GABRG3: variants seen among roughly 807,000 people sequenced by gnomAD.
The protein encoded by GABRG3 is gamma-aminobutyric acid receptor subunit gamma-3.
Under a neutral mutation model 48.8 loss-of-function variants are expected in GABRG3, and 25 were observed. The ratio of observed to expected loss-of-function variants is 0.51; its 90% CI spans 0.37 to 0.72. The LOEUF (loss-of-function observed/expected upper bound fraction) is 0.72, where lower values mean the gene tolerates loss of function less well. GABRG3 is among the 30% of genes least tolerant of loss of function. The pLI, the probability that GABRG3 is intolerant of heterozygous loss-of-function variation, is 0.00. For missense variants in GABRG3, 394 were observed against 577.9 expected, an observed-to-expected ratio of 0.68 and a Z score of 3.26; for synonymous variants, 227 against 217.6, an observed-to-expected ratio of 1.04 and a Z score of -0.38.
At chr15:27,207,205 A>C (rs954479650) in intron 3 of GABRG3, among the ~76,000 whole-genome samples, 1 of 152,202 alleles carries the variant, frequency 6.6e-6, no homozygotes, top group African/African-American at 2.4e-5. Flanking sequence ...ACTTAGCACG[A>C]GTGCCTTGGG....
chr15:27,433,030 A>G (rs1888502713), intron 5 of GABRG3, among the ~76,000 whole-genome samples: 1 of 152,208 alleles, frequency 6.6e-6, no homozygotes, highest in South Asian at 2.1e-4. Context: ...ACGATGATTT[A>G]TGTATACTCC....
chr15:27,468,392 C>T (rs188808239), intron 5 of GABRG3, among the ~76,000 whole-genome samples: 1 of 152,192 alleles, frequency 6.6e-6, no homozygotes, highest in East Asian at 1.9e-4. Flanking sequence ...TATGGGTGTT[C>T]CTGGAACTGT....
chr15:27,461,386 G>T (rs1301610480), intron 5 of GABRG3, among the ~76,000 whole-genome samples: 1 of 152,168 alleles, frequency 6.6e-6, no homozygotes, highest in Non-Finnish European at 1.5e-5. Context: ...ATTGTGTCCA[G>T]AATTGGTTCC....
chr15:27,326,833 G>T lies in GABRG3; in HGVS notation c.295G>T (p.Ala99Ser). The change falls in exon 4 of 10, where the codon GCT becomes TCT. Residue 99 changes from alanine to serine, a missense_variant. By Grantham distance (99) the Ala-to-Ser change is moderately conservative (BLOSUM62 1). Around this residue, in one of 3 missense-constraint regions of GABRG3, gnomAD observed 218 missense variants for 309.9 expected, o/e 0.70. Coordinates refer to ENST00000615808, the MANE Select transcript of GABRG3 (RefSeq NM_033223.5). ...NMEYQIDIFF[A>S]QTWTDSRLRF... The stretch of plus-strand genomic sequence containing the variant: ...GGAATACCAAATTGACATATTTTTT[G>T]CTCAGACCTGGACAGATAGTCGCCT... 1.2e-6 allele frequency: 2 copies of T among 1,613,338 alleles called. No homozygotes were observed. Among genetic ancestry groups the T allele is most frequent in the Non-Finnish European group, 8.5e-7 (1 of 1,179,642 alleles).
At chr15:27,430,221 A>C (rs1888408136) in intron 5 of GABRG3, among the ~76,000 whole-genome samples, 2 of 152,206 alleles carry the variant, frequency 1.3e-5, no homozygotes, top group African/African-American at 4.8e-5. Flanking sequence ...TGTCTACTCA[A>C]ATCCTCTGCC....
intron 3 of GABRG3, among the ~76,000 whole-genome samples, chr15:27,226,743 C>G (rs1169293437): frequency 6.6e-6 from 1 of 152,214 alleles, no homozygotes; most frequent in African/African-American, 2.4e-5. Context: ...CAGCAGATCC[C>G]CCTCTGGCCC....
At chr15:27,497,467 C>T (rs1890514195) in intron 6 of GABRG3, among the ~76,000 whole-genome samples, 1 of 152,102 alleles carries the variant, frequency 6.6e-6, no homozygotes, top group African/African-American at 2.4e-5. Flanking sequence ...TGTCTTCAGA[C>T]CTTGATTATC....
At chr15:27,122,053 A>T (rs755747508) in intron 3 of GABRG3, among the ~76,000 whole-genome samples, 6 of 152,226 alleles carry the variant, frequency 3.9e-5, no homozygotes, top group Non-Finnish European at 8.8e-5. Flanking sequence ...ATAGCACAAG[A>T]GGGTAACTTT....
intron 7 of GABRG3, among the ~76,000 whole-genome samples, chr15:27,520,864 T>C (rs1595808462): frequency 7.8e-6 from 1 of 128,402 alleles, no homozygotes; most frequent in Non-Finnish European, 1.6e-5. Flanking sequence ...CTCTCATATT[T>C]GCATTGTTAT....
At chr15:27,345,631 A>G (rs1382784429) in intron 5 of GABRG3, among the ~76,000 whole-genome samples, 1 of 152,230 alleles carries the variant, frequency 6.6e-6, no homozygotes, top group Non-Finnish European at 1.5e-5. Context: ...TACTTTCTCT[A>G]GTACTCCTTT....
chr15:27,248,785 CACACACACACACACACACAG>C (rs1265348342), intron 3 of GABRG3, among the ~76,000 whole-genome samples: 9 of 111,884 alleles, frequency 8.0e-5, no homozygotes, highest in African/African-American at 2.8e-4. Context: ...CACACACACA[CACACACACACACACACACAG>C]AGAGAGAGAG....
intron 3 of GABRG3, among the ~76,000 whole-genome samples, chr15:27,142,141 C>T (rs1898115066): frequency 6.6e-6 from 1 of 152,180 alleles, no homozygotes; most frequent in African/African-American, 2.4e-5. Context: ...TAGTTTAACT[C>T]ATTATATAAA....
chr15:27,142,905 C>A (rs1898131510), intron 3 of GABRG3, among the ~76,000 whole-genome samples: 1 of 151,966 alleles, frequency 6.6e-6, no homozygotes, highest in Admixed American at 6.6e-5. Context: ...CAGGCGTGAG[C>A]TACCACATCT....
chr15:27,325,782 T>G (rs1056400856), intron 3 of GABRG3, among the ~76,000 whole-genome samples: 1 of 152,176 alleles, frequency 6.6e-6, no homozygotes, highest in African/African-American at 2.4e-5. Context: ...AGTTGAATTA[T>G]AAACCTGAAA....
At chr15:27,066,635 A>C (rs1164262442) in intron 3 of GABRG3, among the ~76,000 whole-genome samples, 1 of 152,092 alleles carries the variant, frequency 6.6e-6, no homozygotes, top group Admixed American at 6.5e-5. Flanking sequence ...TTAGTCTGAG[A>C]GCAGGTATTA....
At position 27,352,591 on chromosome 15, in the gene GABRG3, G is replaced by C. The variant is rs905384126; in HGVS notation, c.574+23703G>C. The stretch of plus-strand genomic sequence containing the variant: ...GGTGCTATTTCTGTCCGACCTGTGG[G>C]ACAGGCGCTCACACCACCCCACACT... On this transcript the variant is annotated intron_variant, in intron 5 of 9. Transcript: ENST00000615808. This position sits in a 1 kb window ranked among gnomAD's most constrained non-coding sequence, Gnocchi z 4.0. Among the ~76,000 whole-genome samples the C allele has an allele frequency of 4.6e-5, 7 of 152,082 alleles. No homozygotes were observed. Among genetic ancestry groups the C allele is most frequent in the African/African-American group, 1.2e-4 (5 of 41,392 alleles).
In GABRG3 at chr15:27,149,852, G is replaced by A. The variant is rs896651463; in HGVS notation, c.270+123031G>A. On this transcript the variant is annotated intron_variant, in intron 3 of 9. Transcript: ENST00000615808. ...TTTGAAACAAGGATAAGCACCATCC[G>A]GACAGCACCTACCTGAGAAGCTAGC... is the stretch of plus-strand genomic sequence containing the variant. Among the ~76,000 whole-genome samples the A allele has an allele frequency of 3.3e-5, 5 of 152,086 alleles. No individual in the cohort carries two copies. In the South Asian group the frequency reaches 6.2e-4, roughly 19 times the overall value.
At chr15:26,978,965 T>C (rs1895002551) in intron 2 of GABRG3, among the ~76,000 whole-genome samples, 1 of 152,222 alleles carries the variant, frequency 6.6e-6, no homozygotes. Context: ...TCCATGCATA[T>C]GATAGGTCTC....
chr15:27,261,038 C>T (rs7165348), intron 3 of GABRG3, among the ~76,000 whole-genome samples: 79,021 of 152,000 alleles, frequency 0.52, 22,527 homozygotes, highest in Non-Finnish European at 0.65. Flanking sequence ...GTATACATTG[C>T]ATAGTCACAA....
Sources: gnomAD v4.1 joint callset for allele counts (sites outside exome capture counted in the v4.1 genomes callset) on GRCh38, gnomAD v4.1.1 for gene constraint, gnomAD v4.1.1 regional missense constraint, Gnocchi (gnomAD v3.1) non-coding constraint, MANE v1.5 for transcripts, NCBI Gene and HGNC (gene_info 2026-07-23, HGNC 2026-07-21) for gene names.